Variants in CA10 observed in about 807,000 individuals in gnomAD.
CA10 encodes carbonic anhydrase 10 (inactive), also known as carbonic anhydrase-related protein 10.
A neutral mutation model predicts 44.2 loss-of-function variants in CA10; 14 were observed. The ratio of observed to expected loss-of-function variants is 0.32; its 90% CI spans 0.21 to 0.50. The LOEUF is 0.50. Ranked by LOEUF, CA10 falls within the 20% of genes least tolerant of loss-of-function variation. The pLI, the probability that CA10 is intolerant of heterozygous loss-of-function variation, is 0.99. For synonymous variants in CA10, 159 were observed against 141.6 expected (o/e 1.12, Z -0.87); for missense variants, 350 against 409.7 (o/e 0.85, Z 1.26).
At chr17:51,765,513 G>A (rs1905339513) in intron 3 of CA10, among the ~76,000 whole-genome samples, 1 of 152,190 alleles carries the variant, frequency 6.6e-6, no homozygotes, top group South Asian at 2.1e-4. Flanking sequence ...TTACTGTCTG[G>A]AGATATCCCA....
At chr17:51,929,680 C>T (rs778577492) in intron 3 of CA10, among the ~76,000 whole-genome samples, 1 of 121,686 alleles carries the variant, frequency 8.2e-6, no homozygotes, top group African/African-American at 3.0e-5. Flanking sequence ...CGAACTCACA[C>T]GTGTTCACGA....
At chr17:52,066,027 G>T (rs148535453) in intron 2 of CA10, among the ~76,000 whole-genome samples, 36 of 152,262 alleles carry the variant, frequency 2.4e-4, no homozygotes, top group African/African-American at 8.4e-4. Flanking sequence ...CTTCCAACAC[G>T]ATTGTAAGTT....
intron 4 of CA10, among the ~76,000 whole-genome samples, chr17:51,716,162 A>C (rs1379365570): frequency 6.6e-6 from 1 of 152,148 alleles, no homozygotes; most frequent in Non-Finnish European, 1.5e-5. Context: ...GAAAATGGCT[A>C]CTATTTTCTT....
At chr17:51,789,143 T>C (rs1345285392) in intron 3 of CA10, among the ~76,000 whole-genome samples, 2 of 152,064 alleles carry the variant, frequency 1.3e-5, no homozygotes, top group African/African-American at 2.4e-5. Context: ...GCCTCCTGAG[T>C]AGCTGGGAAC....
intron 4 of CA10, among the ~76,000 whole-genome samples, chr17:51,717,529 G>GTGTATATATATA: frequency 2.0e-5 from 1 of 50,180 alleles, no homozygotes; most frequent in African/African-American, 6.1e-5. Flanking sequence ...AAAGAAACTG[G>GTGTATATATATA]TATATATATA....
intron 8 of CA10, 122 bp from the exon 9 acceptor site, chr17:51,631,728 C>T: frequency 1.2e-6 from 1 of 831,172 alleles, no homozygotes; most frequent in South Asian, 1.5e-5. Context: ...TTGTAAATGC[C>T]TGCTTACTTA....
intron 1 of CA10, among the ~76,000 whole-genome samples, chr17:52,147,764 C>T (rs1403235798): frequency 6.6e-6 from 1 of 152,216 alleles, no homozygotes; most frequent in Non-Finnish European, 1.5e-5. Flanking sequence ...ATTTCTATCA[C>T]ACCCAGGTCA....
chr17:51,712,418 A>G (rs1428222886), intron 4 of CA10, among the ~76,000 whole-genome samples: 1 of 152,240 alleles, frequency 6.6e-6, no homozygotes, highest in Non-Finnish European at 1.5e-5. Flanking sequence ...TAGCACATGA[A>G]TATACTTAGT....
intron 3 of CA10, among the ~76,000 whole-genome samples, chr17:51,848,116 T>C (rs377128330): frequency 1.3e-5 from 2 of 152,194 alleles, no homozygotes; most frequent in East Asian, 3.8e-4. Context: ...TTTCATGCAA[T>C]ATTTTTAAAA....
chr17:52,154,994 A>G (rs1989775226), intron 1 of CA10, among the ~76,000 whole-genome samples: 1 of 152,214 alleles, frequency 6.6e-6, no homozygotes, highest in Admixed American at 6.5e-5. Flanking sequence ...ACAAAACACT[A>G]AGCTACAAAG....
At chr17:52,155,761 T>C (rs1989791102) in intron 1 of CA10, among the ~76,000 whole-genome samples, 1 of 152,222 alleles carries the variant, frequency 6.6e-6, no homozygotes, top group African/African-American at 2.4e-5. Context: ...TAGCTAGCAA[T>C]TTTGCTTACA....
intron 4 of CA10, among the ~76,000 whole-genome samples, chr17:51,733,981 T>C (rs1219877278): frequency 1.3e-5 from 2 of 151,932 alleles, no homozygotes; most frequent in Non-Finnish European, 2.9e-5. Flanking sequence ...TGAGGTGTGA[T>C]GGGGTTTGTG....
At chr17:52,076,835 G>A (rs1423871573) in intron 1 of CA10, among the ~76,000 whole-genome samples, 1 of 152,188 alleles carries the variant, frequency 6.6e-6, no homozygotes, top group Non-Finnish European at 1.5e-5. Flanking sequence ...TGAGTGAAGA[G>A]CTGATTGAGA....
intron 3 of CA10, among the ~76,000 whole-genome samples, chr17:51,769,961 G>C (rs1441206723): frequency 6.6e-6 from 1 of 152,104 alleles, no homozygotes; most frequent in Non-Finnish European, 1.5e-5. Context: ...AGGCCATAAA[G>C]TTGCTACTCT....
intron 3 of CA10, chr17:51,763,286 T>C (rs1353796065): frequency 1.3e-5 from 2 of 152,242 alleles, no homozygotes; most frequent in Admixed American, 1.3e-4. Context: ...GTGGAGCATG[T>C]GCTGTGGGGG....
At chr17:51,794,576 A>G (rs1037064065) in intron 3 of CA10, among the ~76,000 whole-genome samples, 6 of 152,234 alleles carry the variant, frequency 3.9e-5, no homozygotes, top group Non-Finnish European at 7.3e-5. Context: ...CACCAAAGAC[A>G]TAAAACCATA....
At chr17:51,937,164 A>G (rs551009956) in intron 2 of CA10, among the ~76,000 whole-genome samples, 6 of 152,184 alleles carry the variant, frequency 3.9e-5, no homozygotes, top group South Asian at 2.1e-4. Flanking sequence ...AGTGAATTCA[A>G]TCCTACAGAT....
At chr17:51,835,033 T>C (rs1908424279) in intron 3 of CA10, among the ~76,000 whole-genome samples, 1 of 152,092 alleles carries the variant, frequency 6.6e-6, no homozygotes, top group African/African-American at 2.4e-5. Context: ...TAGCTGTATA[T>C]AGGAAGAATA....
At chr17:51,873,889 C>A (rs920139316) in intron 3 of CA10, among the ~76,000 whole-genome samples, 1 of 151,156 alleles carries the variant, frequency 6.6e-6, no homozygotes, top group Non-Finnish European at 1.5e-5. Flanking sequence ...TGCAACTAGA[C>A]CCTGATTGAT....
Sources: allele counts gnomAD v4.1 joint callset (sites outside exome capture counted in the v4.1 genomes callset), GRCh38; gene constraint gnomAD v4.1.1; transcripts MANE v1.5; gene names NCBI Gene and HGNC (gene_info 2026-07-23, HGNC 2026-07-21).